Variants in KCNQ1OT1 observed in about 807,000 individuals in gnomAD.
KCNQ1OT1 encodes KCNQ1 antisense RNA 2 (non-protein coding).
exon 1 of KCNQ1OT1, chr11:2,629,911 A>G (rs1849325827): frequency 2.5e-6 from 1 of 398,038 alleles, no homozygotes. Context: ...GAGTGTATTT[A>G]TTTATTTTTC....
chr11:2,686,489 C>T lies in KCNQ1OT1; in HGVS notation n.13506G>A. ...AATAATTCCCAACAGATACCCCCAC[C>T]CTCACCCAGTGTTGAGTCTCACTCC... is the stretch of plus-strand genomic sequence containing the variant. On this transcript the variant is annotated non_coding_transcript_exon_variant, in exon 1 of 1. Transcript: ENST00000597346. 3 of 398,722 alleles carry T rather than the reference C, an allele frequency of 7.5e-6. No homozygotes were observed. In the East Asian group the frequency reaches 1.1e-4, roughly 14 times the overall value. The allele number at this position is 398,722 out of a possible 1,614,324, so 24.7% of individuals were successfully genotyped here.
exon 1 of KCNQ1OT1, chr11:2,631,281 C>A (rs1328034814): frequency 2.5e-6 from 1 of 398,336 alleles, no homozygotes; most frequent in Non-Finnish European, 4.4e-6. Context: ...CCTTTTCATT[C>A]TTTATTTTTC....
chr11:2,677,129 C>T lies in KCNQ1OT1; in HGVS notation n.22866G>A. 1 of 398,612 alleles carries T rather than the reference C, an allele frequency of 2.5e-6. No individual in the cohort carries two copies. Among genetic ancestry groups the T allele is most frequent in the Non-Finnish European group, 4.4e-6 (1 of 226,060 alleles). 24.7% of individuals were successfully genotyped at this position (398,612 alleles called of 1,614,324 possible). ...TATGAAATTAGTTTCCCTGAAACAT[C>T]CCTCCCTATTGAACACTGTTGTTTC... is the stretch of plus-strand genomic sequence containing the variant. On this transcript the variant is annotated non_coding_transcript_exon_variant, in exon 1 of 1. Transcript: ENST00000597346. The surrounding 1 kb of genome is among the most constrained non-coding windows in gnomAD (Gnocchi z 4.5).
chr11:2,684,263 A>G, exon 1 of KCNQ1OT1: 1 of 398,596 alleles, frequency 2.5e-6, no homozygotes, highest in East Asian at 3.6e-5. Context: ...TTGGATTAAC[A>G]AAAGGGGAGT....
rs569668225 is a variant in KCNQ1OT1 at position 2,683,567 on chromosome 11, G to C, written n.16428C>G. The C allele has an allele frequency of 5.0e-6, 2 of 398,596 alleles. No individual in the cohort carries two copies. Among genetic ancestry groups the C allele is most frequent in the African/African-American group, 4.1e-5 (2 of 48,732 alleles). 24.7% of individuals were successfully genotyped at this position (398,596 alleles called of 1,614,324 possible). Reference sequence around the variant, plus strand: ...GGTAGAAGCCCCTACCTACTGACTGGCATCACAAACACTGCCCTGAAATGC... The same window carrying C: ...GGTAGAAGCCCCTACCTACTGACTGCCATCACAAACACTGCCCTGAAATGC... On this transcript the variant is annotated non_coding_transcript_exon_variant, in exon 1 of 1. Transcript: ENST00000597346. The surrounding 1 kb of genome is among the most constrained non-coding windows in gnomAD (Gnocchi z 4.7).
Position 2,612,376 on chromosome 11 carries a change from A to G in KCNQ1OT1, n.87619T>C. ...TTCCACAAAACTGGTCCCTCATGCCAAAAAGGTTGGGGACCACTATATTAT... is the reference window on the plus strand; with the variant it reads ...TTCCACAAAACTGGTCCCTCATGCCGAAAAGGTTGGGGACCACTATATTAT... On this transcript the variant is annotated non_coding_transcript_exon_variant, in exon 1 of 1. Coordinates refer to ENST00000597346, the Ensembl canonical transcript of KCNQ1OT1. The surrounding 1 kb of genome is among the most constrained non-coding windows in gnomAD (Gnocchi z 5.5). 2.5e-6 allele frequency: 1 copy of G among 398,656 alleles called. No individual in the cohort carries two copies. The highest frequency in any genetic ancestry group is 4.4e-6 in the Non-Finnish European group (1 of 226,076). The allele number at this position is 398,656 out of a possible 1,614,324, so 24.7% of individuals were successfully genotyped here. A position where few individuals can be genotyped will look rare whatever the true frequency, so the allele number is the denominator to read the frequency against.
In KCNQ1OT1 at chr11:2,674,834, A is replaced by T. The variant is rs1401414780; in HGVS notation, n.25161T>A. On this transcript the variant is annotated non_coding_transcript_exon_variant, in exon 1 of 1. Transcript: ENST00000597346. The surrounding 1 kb of genome is among the most constrained non-coding windows in gnomAD (Gnocchi z 5.9). The stretch of plus-strand genomic sequence containing the variant: ...TTGTCACCCTAATAGCTGTTTTTTA[A>T]AAAAAAAAAAAAAAAAAAAAAAAAA... 5.6e-4 allele frequency: 87 copies of T among 154,254 alleles called. No individual in the cohort carries two copies. The Middle Eastern group carries it at 7.5e-3, about 13-fold the overall frequency. 9.6% of individuals were successfully genotyped at this position (154,254 alleles called of 1,614,324 possible). A position where few individuals can be genotyped will look rare whatever the true frequency, so the allele number is the denominator to read the frequency against.
Position 2,620,302 on chromosome 11 carries a change from C to T in KCNQ1OT1, n.79693G>A, listed in dbSNP as rs141978546. 1,366 of 207,676 alleles carry T rather than the reference C, an allele frequency of 6.6e-3. 31 individuals carry two copies. The East Asian group carries it at 0.076, about 12-fold the overall frequency. The allele number at this position is 207,676 out of a possible 1,614,324, so 12.9% of individuals were successfully genotyped here. A position where few individuals can be genotyped will look rare whatever the true frequency, so the allele number is the denominator to read the frequency against. The stretch of plus-strand genomic sequence containing the variant: ...CATGATCTCGGCTCACTGCAGCCTC[C>T]GCCTACCGGGTTCAAGTGATTCTCC... On this transcript the variant is annotated non_coding_transcript_exon_variant, in exon 1 of 1. Transcript: ENST00000597346. The surrounding 1 kb of genome is among the most constrained non-coding windows in gnomAD (Gnocchi z 4.5).
rs1394981193 is a variant in KCNQ1OT1, at chr11:2,655,258, T to C, written n.44737A>G. The C allele has an allele frequency of 7.5e-6, 3 of 398,474 alleles. No homozygotes were observed. The East Asian group carries it at 1.1e-4, about 14-fold the overall frequency. The allele number at this position is 398,474 out of a possible 1,614,324, so 24.7% of individuals were successfully genotyped here. A position where few individuals can be genotyped will look rare whatever the true frequency, so the allele number is the denominator to read the frequency against. ...GCCTTTGCCATCCCAGACCTCCCACTTTCCTAGAAAACAAAATTGTTTTGT... is the reference window on the plus strand; with the variant it reads ...GCCTTTGCCATCCCAGACCTCCCACCTTCCTAGAAAACAAAATTGTTTTGT... On this transcript the variant is annotated non_coding_transcript_exon_variant, in exon 1 of 1. Transcript: ENST00000597346.
chr11:2,630,749 T>C, exon 1 of KCNQ1OT1: 1 of 398,390 alleles, frequency 2.5e-6, no homozygotes, highest in Non-Finnish European at 4.4e-6. Context: ...CCCTCTGGCA[T>C]ATCTTGTAAG....
rs191127427 is a variant in KCNQ1OT1, at chr11:2,650,777, T to G, written n.49218A>C. Reference sequence around the variant, plus strand: ...CCCACAGGCAATTTGAAGGTATTCTTTCTCCTAATACTGCTAACAGCATGG... The same window carrying G: ...CCCACAGGCAATTTGAAGGTATTCTGTCTCCTAATACTGCTAACAGCATGG... On this transcript the variant is annotated non_coding_transcript_exon_variant, in exon 1 of 1. Transcript: ENST00000597346. The G allele has an allele frequency of 1.0e-5, 4 of 398,662 alleles. No homozygotes were observed. The East Asian group carries it at 1.4e-4, about 14-fold the overall frequency. 24.7% of individuals were successfully genotyped at this position (398,662 alleles called of 1,614,324 possible).
chr11:2,637,717 G>A (rs1172296502), exon 1 of KCNQ1OT1: 1 of 152,216 alleles, frequency 6.6e-6, no homozygotes, highest in Non-Finnish European at 1.5e-5. Flanking sequence ...GTGCAGAGCT[G>A]AGTTCAATTC....
exon 1 of KCNQ1OT1, chr11:2,629,046 T>A (rs1849309001): frequency 2.5e-6 from 1 of 398,332 alleles, no homozygotes; most frequent in Non-Finnish European, 4.4e-6. Context: ...TTTGTTCTTA[T>A]TGCTCAAGTA....
At chr11:2,660,195 T>C (rs1174493697) in exon 1 of KCNQ1OT1, 1 of 398,298 alleles carries the variant, frequency 2.5e-6, no homozygotes, top group Non-Finnish European at 4.4e-6. Flanking sequence ...TAGATTTTTT[T>C]TCAGTAAGTT....
Position 2,663,509 on chromosome 11 carries a change from T to C in KCNQ1OT1, n.36486A>G, listed in dbSNP as rs368879331. 3.2e-3 allele frequency: 1,265 copies of C among 398,674 alleles called. 11 individuals are homozygous for C. The highest frequency in any genetic ancestry group is 0.022 in the African/African-American group (1,076 of 48,748). The allele number at this position is 398,674 out of a possible 1,614,324, so 24.7% of individuals were successfully genotyped here. ...TGCAATACAGGTGGCAGTGCCTGTA[T>C]TGCCTCTTGGCTGTCCCCTCAGAGA... On this transcript the variant is annotated non_coding_transcript_exon_variant, in exon 1 of 1. Transcript: ENST00000597346. The surrounding 1 kb of genome is among the most constrained non-coding windows in gnomAD (Gnocchi z 5.2).
chr11:2,657,777 C>T lies in KCNQ1OT1; in HGVS notation n.42218G>A. ...AGTCTTGTTCTTCATTAACTTGACA[C>T]TTTTGAAGAATACCAGTCAGGTGTC... is the stretch of plus-strand genomic sequence containing the variant. On this transcript the variant is annotated non_coding_transcript_exon_variant, in exon 1 of 1. Transcript: ENST00000597346. The surrounding 1 kb of genome is among the most constrained non-coding windows in gnomAD (Gnocchi z 4.8). 2.5e-6 allele frequency: 1 copy of T among 398,548 alleles called. No homozygotes were observed. The highest frequency in any genetic ancestry group is 4.4e-6 in the Non-Finnish European group (1 of 226,052). The allele number at this position is 398,548 out of a possible 1,614,324, so 24.7% of individuals were successfully genotyped here. A position where few individuals can be genotyped will look rare whatever the true frequency, so the allele number is the denominator to read the frequency against.
chr11:2,698,299 C>A lies in KCNQ1OT1; in HGVS notation n.1696G>T. 2.5e-6 allele frequency: 1 copy of A among 398,650 alleles called. No individual in the cohort carries two copies. The highest frequency in any genetic ancestry group is 4.4e-6 in the Non-Finnish European group (1 of 226,072). 24.7% of individuals were successfully genotyped at this position (398,650 alleles called of 1,614,324 possible). On this transcript the variant is annotated non_coding_transcript_exon_variant, in exon 1 of 1. Transcript: ENST00000597346. The surrounding 1 kb of genome is among the most constrained non-coding windows in gnomAD (Gnocchi z 5.1). The stretch of plus-strand genomic sequence containing the variant: ...AACTATTCTACCTGGATGAATTATT[C>A]TCTTTCATAACCAGAACAGTGCTGT...
At chr11:2,616,204 GTTT>G in exon 1 of KCNQ1OT1, 1 of 371,252 alleles carries the variant, frequency 2.7e-6, no homozygotes, top group Non-Finnish European at 4.7e-6. Flanking sequence ...TCCCACTTTT[GTTT>G]TTTTTTCTTA....
Position 2,626,702 on chromosome 11 carries a change from T to A in KCNQ1OT1, n.73293A>T, listed in dbSNP as rs193059507. On this transcript the variant is annotated non_coding_transcript_exon_variant, in exon 1 of 1. Transcript: ENST00000597346. The surrounding 1 kb of genome is among the most constrained non-coding windows in gnomAD (Gnocchi z 4.0). The stretch of plus-strand genomic sequence containing the variant: ...TACCATTACACCTGGCCAATTATTT[T>A]ATTTTTTGTAGAGATGAGGTCTCCC... 2.0e-4 allele frequency: 81 copies of A among 396,750 alleles called. No individual in the cohort carries two copies. The highest frequency in any genetic ancestry group is 1.5e-3 in the African/African-American group (73 of 47,102). The allele number at this position is 396,750 out of a possible 1,614,324, so 24.6% of individuals were successfully genotyped here. A position where few individuals can be genotyped will look rare whatever the true frequency, so the allele number is the denominator to read the frequency against.
Sources: gnomAD v4.1 joint callset for allele counts on GRCh38, gnomAD v4.1.1 for gene constraint, Gnocchi (gnomAD v3.1) non-coding constraint, MANE v1.5 for transcripts, NCBI Gene and HGNC (gene_info 2026-07-23, HGNC 2026-07-21) for gene names.